PGM5: variants seen among roughly 807,000 people sequenced by gnomAD.
The protein encoded by PGM5 is phosphoglucomutase-like protein 5.
PGM5 carries 23 observed loss-of-function variants against 59.2 expected under a neutral mutation model. That is an observed-to-expected ratio of 0.39 (90% confidence interval 0.28 to 0.55). The LOEUF (loss-of-function observed/expected upper bound fraction) is 0.55. PGM5 is among the 20% of genes least tolerant of loss of function. PGM5 has a pLI of 0.66. For missense variants in PGM5, 574 were observed against 748.3 expected, an observed-to-expected ratio of 0.77 and a Z score of 2.72; for synonymous variants, 214 against 286.0, an observed-to-expected ratio of 0.75 and a Z score of 2.54.
At chr9:68,458,085 G>A (rs531986050) in intron 6 of PGM5, among the ~76,000 whole-genome samples, 1 of 152,332 alleles carries the variant, frequency 6.6e-6, no homozygotes, top group African/African-American at 2.4e-5. Context: ...CATCAAGGCT[G>A]TAAACACAGA....
intron 10 of PGM5, among the ~76,000 whole-genome samples, chr9:68,518,136 A>G (rs1024903738): frequency 1.3e-5 from 2 of 152,224 alleles, no homozygotes; most frequent in African/African-American, 4.8e-5. Flanking sequence ...ATGGTTAGTT[A>G]AGTACACATC....
chr9:68,450,386 C>T (rs1220651731), intron 6 of PGM5, among the ~76,000 whole-genome samples: 1 of 152,092 alleles, frequency 6.6e-6, no homozygotes, highest in Admixed American at 6.5e-5. Context: ...AATTAGCACC[C>T]CAGGTGGTTC....
chr9:68,413,523 G>A (rs1183423725), intron 6 of PGM5, among the ~76,000 whole-genome samples: 2 of 152,164 alleles, frequency 1.3e-5, no homozygotes, highest in African/African-American at 4.8e-5. Context: ...ATTAATTAAA[G>A]ATGCTCTTAC....
intron 7 of PGM5, among the ~76,000 whole-genome samples, chr9:68,470,911 C>T (rs1041723005): frequency 1.3e-5 from 2 of 152,182 alleles, no homozygotes; most frequent in Non-Finnish European, 2.9e-5. Context: ...GATTGACACC[C>T]CCGTGAGCCT....
chr9:68,447,073 C>T (rs1468107695), intron 6 of PGM5, among the ~76,000 whole-genome samples: 1 of 152,126 alleles, frequency 6.6e-6, no homozygotes, highest in African/African-American at 2.4e-5. Flanking sequence ...GCAGACCATC[C>T]ATTTTCTTTG....
Position 68,357,016 on chromosome 9 carries a change from G to C in PGM5, c.-112G>C. 1.7e-6 allele frequency: 2 copies of C among 1,161,822 alleles called. No individual in the cohort carries two copies. The highest frequency in any genetic ancestry group is 2.3e-6 in the Non-Finnish European group (2 of 879,156). The allele number at this position is 1,161,822 out of a possible 1,614,324, so 72.0% of individuals were successfully genotyped here. On this transcript the variant is annotated 5_prime_UTR_variant, in exon 1 of 11. Transcript: ENST00000396396. ...CAGGGCGCCGACCTGCTGGAGAGGG[G>C]GCCCGGGCGCGAGGCGGAGTCCCGG...
intron 2 of PGM5, among the ~76,000 whole-genome samples, chr9:68,382,032 T>C (rs1208595384): frequency 6.6e-6 from 1 of 151,682 alleles, no homozygotes; most frequent in African/African-American, 2.4e-5. Context: ...AGAAAAGCAA[T>C]ACTAAAATTT....
intron 10 of PGM5, among the ~76,000 whole-genome samples, chr9:68,515,792 A>G (rs1051244728): frequency 1.3e-5 from 2 of 152,160 alleles, no homozygotes; most frequent in African/African-American, 2.4e-5. Flanking sequence ...GGGCAAATAA[A>G]CTTAAGCTAG....
intron 6 of PGM5, among the ~76,000 whole-genome samples, chr9:68,430,208 A>G (rs75518966): frequency 0.014 from 2,121 of 152,232 alleles, 22 homozygotes; most frequent in Middle Eastern, 0.037. Flanking sequence ...TAACAATGGG[A>G]TATTTGTCAT....
chr9:68,406,826 T>C (rs1356847043), intron 6 of PGM5, among the ~76,000 whole-genome samples: 5 of 149,632 alleles, frequency 3.3e-5, no homozygotes, highest in Admixed American at 3.3e-4. Flanking sequence ...GAGTGAAGCA[T>C]AGGCAGTGGA....
At chr9:68,370,223 T>TTA (rs1554677060) in intron 1 of PGM5, among the ~76,000 whole-genome samples, 2 of 152,238 alleles carry the variant, frequency 1.3e-5, no homozygotes, top group Non-Finnish European at 2.9e-5. Context: ...GTGATAGGGA[T>TTA]TATAACACAG....
At chr9:68,376,475 CTGTGTGTGTGTG>C (rs71353047) in intron 1 of PGM5, among the ~76,000 whole-genome samples, 9,889 of 129,606 alleles carry the variant, frequency 0.076, 425 homozygotes, top group Middle Eastern at 0.17. Context: ...TGCTTTTGAG[CTGTGTGTGTGTG>C]TGTGTGTGTG....
intron 6 of PGM5, chr9:68,406,148 A>T (rs540009325): frequency 1.3e-4 from 20 of 152,228 alleles, no homozygotes; most frequent in African/African-American, 4.6e-4. Flanking sequence ...CTGCATTCAG[A>T]CTACCTGGGG....
chr9:68,371,892 G>A (rs1371068216), intron 1 of PGM5, among the ~76,000 whole-genome samples: 1 of 152,224 alleles, frequency 6.6e-6, no homozygotes, highest in African/African-American at 2.4e-5. Flanking sequence ...CTGGAGTGAT[G>A]TGAACACAAG....
At chr9:68,481,321 T>C (rs782739952) in intron 8 of PGM5, among the ~76,000 whole-genome samples, 3 of 152,236 alleles carry the variant, frequency 2.0e-5, no homozygotes, top group African/African-American at 7.2e-5. Flanking sequence ...GGGGATGTGA[T>C]AGCTTGCAAA....
At chr9:68,417,759 A>T (rs927186964) in intron 6 of PGM5, among the ~76,000 whole-genome samples, 13 of 152,052 alleles carry the variant, frequency 8.5e-5, no homozygotes, top group Admixed American at 6.6e-4. Flanking sequence ...GTCTTGAAAG[A>T]TTGTTCTATG....
intron 7 of PGM5, among the ~76,000 whole-genome samples, chr9:68,477,173 C>G (rs997801652): frequency 3.9e-5 from 6 of 152,158 alleles, no homozygotes; most frequent in Admixed American, 1.3e-4. Flanking sequence ...GATTAATGCC[C>G]AGGGTCCTGT....
At chr9:68,492,040 A>G (rs868908937) in intron 9 of PGM5, among the ~76,000 whole-genome samples, 6 of 152,206 alleles carry the variant, frequency 3.9e-5, no homozygotes, top group Non-Finnish European at 7.3e-5. Flanking sequence ...GCGTGTAAGC[A>G]TTATCGAATG....
intron 6 of PGM5, among the ~76,000 whole-genome samples, chr9:68,422,482 G>A (rs1271310021): frequency 6.6e-6 from 1 of 151,288 alleles, no homozygotes; most frequent in African/African-American, 2.4e-5. Context: ...TTTTTGAGAG[G>A]GGTTTCACTA....
Sources: gnomAD v4.1 joint callset for allele counts (sites outside exome capture counted in the v4.1 genomes callset) on GRCh38, gnomAD v4.1.1 for gene constraint, MANE v1.5 for transcripts, NCBI Gene and HGNC (gene_info 2026-07-23, HGNC 2026-07-21) for gene names.